Variants in SMIM14 observed in about 807,000 individuals in gnomAD.
SMIM14 encodes small integral membrane protein 14.
A neutral mutation model predicts 12.6 loss-of-function variants in SMIM14; 5 were observed. That is an observed-to-expected ratio of 0.40 (90% confidence interval 0.21 to 0.83). The LOEUF is 0.83. Among genes scored for constraint, SMIM14 ranks in the 40% least tolerant of loss-of-function variants. The pLI is 0.37. For missense variants in SMIM14, 86 were observed against 119.1 expected, an observed-to-expected ratio of 0.72 and a Z score of 1.29; for synonymous variants, 30 against 40.1, an observed-to-expected ratio of 0.75 and a Z score of 0.95.
chr4:39,604,868 C>T (rs1361811514), intron 2 of SMIM14, among the ~76,000 whole-genome samples: 2 of 152,120 alleles, frequency 1.3e-5, no homozygotes, highest in Non-Finnish European at 2.9e-5. Flanking sequence ...ACCTTGGCCT[C>T]CCAAAGTGCT....
chr4:39,556,375 C>T (rs1232748704), intron 4 of SMIM14, 53 bp downstream of exon 4: 1 of 1,551,670 alleles, frequency 6.4e-7, no homozygotes, highest in East Asian at 2.3e-5. Context: ...TTCCCTGCCC[C>T]AGGCCACATA....
intron 1 of SMIM14, among the ~76,000 whole-genome samples, chr4:39,636,275 A>C (rs1458046575): frequency 6.6e-6 from 1 of 151,858 alleles, no homozygotes; most frequent in Non-Finnish European, 1.5e-5. Flanking sequence ...TTTGGAATAG[A>C]GTATAACTAT....
intron 1 of SMIM14, among the ~76,000 whole-genome samples, chr4:39,608,008 T>C (rs556161703): frequency 6.6e-6 from 1 of 152,298 alleles, no homozygotes; most frequent in Admixed American, 6.5e-5. Flanking sequence ...ATGGCTATAA[T>C]CAAAATGGAA....
intron 2 of SMIM14, among the ~76,000 whole-genome samples, chr4:39,590,399 G>A (rs1466693510): frequency 1.3e-5 from 2 of 150,916 alleles, no homozygotes; most frequent in Non-Finnish European, 2.9e-5. Flanking sequence ...AGCAACAAGA[G>A]CAAAACTCTG....
intron 3 of SMIM14, among the ~76,000 whole-genome samples, chr4:39,557,160 C>A (rs957845291): frequency 5.9e-5 from 9 of 151,674 alleles, no homozygotes; most frequent in African/African-American, 2.2e-4. Context: ...TACAGGCATG[C>A]GCCACCATGC....
rs1467883504 is a variant in SMIM14, at chr4:39,594,133, CGG to C, written c.75+10936_75+10937del. On this transcript the variant is annotated intron_variant, in intron 2 of 4. Transcript: ENST00000295958. ...CAAAAGAACAAAGCTGGAGGCATCA[CGG>C]TACCTGACTTCAAACTATACTACAA... The C allele has an allele frequency of 9.7e-4, 147 of 152,290 alleles. 1 individual carries two copies. Among genetic ancestry groups the C allele is most frequent in the Non-Finnish European group, 1.0e-3 (70 of 68,052 alleles). 9.4% of individuals were successfully genotyped at this position (152,290 alleles called of 1,614,324 possible).
intron 1 of SMIM14, among the ~76,000 whole-genome samples, chr4:39,620,120 T>C (rs1365348181): frequency 9.3e-5 from 14 of 149,978 alleles, no homozygotes; most frequent in African/African-American, 3.2e-4. Context: ...ATGGGAGGAC[T>C]GCTTGAGCCC....
chr4:39,561,908 G>A (rs1056947952), intron 3 of SMIM14, among the ~76,000 whole-genome samples: 6 of 152,124 alleles, frequency 3.9e-5, no homozygotes, highest in African/African-American at 1.4e-4. Context: ...ACTCCAGCCT[G>A]GGCAACATAG....
intron 1 of SMIM14, among the ~76,000 whole-genome samples, 192 bp from the exon 2 acceptor site, chr4:39,605,372 C>G (rs1203966284): frequency 6.6e-6 from 1 of 151,574 alleles, no homozygotes; most frequent in East Asian, 1.9e-4. Flanking sequence ...GATTGGCTAC[C>G]CCTTCTGCCA....
chr4:39,570,015 T>C (rs1345952420), intron 3 of SMIM14, among the ~76,000 whole-genome samples: 1 of 152,204 alleles, frequency 6.6e-6, no homozygotes, highest in African/African-American at 2.4e-5. Flanking sequence ...CTGCCCTTTT[T>C]CCACAAATGT....
intron 2 of SMIM14, among the ~76,000 whole-genome samples, chr4:39,575,079 G>A (rs377294416): frequency 8.0e-6 from 1 of 125,458 alleles, no homozygotes; most frequent in East Asian, 2.4e-4. Context: ...CGAGAAAATA[G>A]TTTTTTTTTT....
intron 3 of SMIM14, among the ~76,000 whole-genome samples, chr4:39,571,395 T>C (rs1712874635): frequency 6.6e-6 from 1 of 151,774 alleles, no homozygotes; most frequent in South Asian, 2.1e-4. Flanking sequence ...GTGGGCAACA[T>C]GGGAAGACCG....
chr4:39,572,873 G>A (rs1376236548), intron 2 of SMIM14, among the ~76,000 whole-genome samples: 1 of 151,962 alleles, frequency 6.6e-6, no homozygotes, highest in Non-Finnish European at 1.5e-5. Context: ...GTCTCACTCT[G>A]TTGCCTAGGC....
chr4:39,546,762 A>G lies in SMIM14; in HGVS notation c.*5364T>C, dbSNP rs1162734979. 6.6e-6 allele frequency: 1 copy of G among 152,248 alleles called. No homozygotes were observed. The highest frequency in any genetic ancestry group is 2.4e-5 in the African/African-American group (1 of 41,466). The allele number at this position is 152,248 out of a possible 1,614,324, so 9.4% of individuals were successfully genotyped here. A position where few individuals can be genotyped will look rare whatever the true frequency, so the allele number is the denominator to read the frequency against. On this transcript the variant is annotated 3_prime_UTR_variant, in exon 5 of 5. Coordinates refer to ENST00000295958, the MANE Select transcript of SMIM14 (RefSeq NM_174921.3). The stretch of plus-strand genomic sequence containing the variant: ...CAAGAAATTGTTATTTCACAAATTT[A>G]TCTATTTTAAATATAACACTGAAGT...
chr4:39,559,056 A>G (rs1712157967), intron 3 of SMIM14, among the ~76,000 whole-genome samples: 1 of 152,138 alleles, frequency 6.6e-6, no homozygotes, highest in African/African-American at 2.4e-5. Context: ...CAAGCTATCC[A>G]CTTGGACTCC....
intron 1 of SMIM14, among the ~76,000 whole-genome samples, chr4:39,619,106 G>T (rs906468640): frequency 6.6e-6 from 1 of 151,002 alleles, no homozygotes; most frequent in Non-Finnish European, 1.5e-5. Context: ...TTCAGTTCAA[G>T]AGAAAATTGA....
chr4:39,572,465 T>C lies in SMIM14; in HGVS notation c.76-2A>G. 1 of 1,607,264 alleles carries C rather than the reference T, an allele frequency of 6.2e-7. No individual in the cohort carries two copies. The highest frequency in any genetic ancestry group is 8.5e-7 in the Non-Finnish European group (1 of 1,175,126). On this transcript the variant is annotated splice_acceptor_variant, in intron 2 of 4. Coordinates refer to ENST00000295958, the MANE Select transcript of SMIM14 (RefSeq NM_174921.3). LOFTEE classifies it high-confidence loss of function. ...GCAGTAGGACTGGGACTGCCGTAACTACAATGAATAAGAAAGGGAAGTTAG... is the reference window on the plus strand; with the variant it reads ...GCAGTAGGACTGGGACTGCCGTAACCACAATGAATAAGAAAGGGAAGTTAG...
intron 1 of SMIM14, among the ~76,000 whole-genome samples, chr4:39,614,185 CAAAAAAA>C (rs60332502): frequency 0.1 from 10,606 of 102,446 alleles, 1,325 homozygotes; most frequent in African/African-American, 0.32. Flanking sequence ...AACTCCATTA[CAAAAAAA>C]AAAAAAAAAA....
chr4:39,581,190 A>G (rs1403644542), intron 2 of SMIM14, among the ~76,000 whole-genome samples: 1 of 152,084 alleles, frequency 6.6e-6, no homozygotes, highest in Non-Finnish European at 1.5e-5. Context: ...TATTATTTAT[A>G]TTGTGCATTT....
Sources: gnomAD v4.1 joint callset for allele counts (sites outside exome capture counted in the v4.1 genomes callset) on GRCh38, gnomAD v4.1.1 for gene constraint, MANE v1.5 for transcripts, NCBI Gene and HGNC (gene_info 2026-07-23, HGNC 2026-07-21) for gene names.